The following CYP7B1 variants were observed in gnomAD, a reference collection of about 807,000 sequenced individuals.
CYP7B1 encodes cytochrome P450 7B1.
In CYP7B1, 29 loss-of-function variants were observed where a neutral mutation model predicts 42.7. The observed-to-expected ratio is 0.68, with a 90% CI of 0.51 to 0.93. CYP7B1 has a LOEUF of 0.93. Ranked by LOEUF, CYP7B1 falls within the 40% of genes least tolerant of loss-of-function variation. The pLI is 0.00. For synonymous variants in CYP7B1, 235 were observed against 218.2 expected (o/e 1.08, Z -0.68); for missense variants, 655 against 600.5 (o/e 1.09, Z -0.95).
At chr8:64,714,306 A>G (rs1807122800) in intron 1 of CYP7B1, among the ~76,000 whole-genome samples, 1 of 152,198 alleles carries the variant, frequency 6.6e-6, no homozygotes, top group African/African-American at 2.4e-5. Flanking sequence ...TTTATCTTCC[A>G]GGATCCAGAA....
chr8:64,731,692 C>T lies in CYP7B1; in HGVS notation c.122+66774G>A, dbSNP rs541934521. ...CAGGGCATGTCGGAGACCTTCACAGCAGCCCCTCTCATCATAGGCCCAGAG... is the reference window on the plus strand; with the variant it reads ...CAGGGCATGTCGGAGACCTTCACAGTAGCCCCTCTCATCATAGGCCCAGAG... On this transcript the variant is annotated intron_variant, in intron 1 of 5. Transcript: ENST00000310193. 7.2e-5 allele frequency among the ~76,000 whole-genome samples: 11 copies of T among 152,300 alleles called. No homozygotes were observed. The South Asian group carries it at 2.3e-3, about 32-fold the overall frequency.
chr8:64,632,380 A>C (rs1287401299), intron 1 of CYP7B1, among the ~76,000 whole-genome samples: 1 of 152,154 alleles, frequency 6.6e-6, no homozygotes, highest in African/African-American at 2.4e-5. Context: ...AATTTCATAA[A>C]ACAAAGAGTG....
downstream of CYP7B1, among the ~76,000 whole-genome samples, chr8:64,590,706 G>A (rs1198536871): frequency 1.3e-5 from 2 of 152,116 alleles, no homozygotes; most frequent in Non-Finnish European, 2.9e-5. Flanking sequence ...CAGATGATAA[G>A]AATATATGTG....
intron 4 of CYP7B1, among the ~76,000 whole-genome samples, chr8:64,606,392 A>G (rs964933773): frequency 1.3e-5 from 2 of 152,242 alleles, no homozygotes; most frequent in African/African-American, 4.8e-5. Context: ...CAACAATAGC[A>G]CAGCATCCTT....
intron 5 of CYP7B1, among the ~76,000 whole-genome samples, chr8:64,598,430 T>C (rs1223518744): frequency 6.6e-6 from 1 of 152,202 alleles, no homozygotes; most frequent in Non-Finnish European, 1.5e-5. Context: ...TCCTTCACGC[T>C]GACCAATCTG....
intron 1 of CYP7B1, among the ~76,000 whole-genome samples, chr8:64,628,010 T>C (rs572748159): frequency 1.3e-5 from 2 of 152,262 alleles, no homozygotes; most frequent in South Asian, 4.1e-4. Flanking sequence ...ACACTGCCCA[T>C]GGCTGAGTAG....
At chr8:64,751,446 CAT>C (rs1178256304) in intron 1 of CYP7B1, among the ~76,000 whole-genome samples, 1 of 152,070 alleles carries the variant, frequency 6.6e-6, no homozygotes, top group Non-Finnish European at 1.5e-5. Context: ...AGGGATATAA[CAT>C]AATCTATATT....
chr8:64,767,678 G>T (rs1478831283), intron 1 of CYP7B1, among the ~76,000 whole-genome samples: 2 of 152,220 alleles, frequency 1.3e-5, no homozygotes, highest in African/African-American at 4.8e-5. Context: ...CAAGCAGATA[G>T]TCAGGGCCTG....
At chr8:64,753,590 A>G in intron 1 of CYP7B1, among the ~76,000 whole-genome samples, 1 of 152,224 alleles carries the variant, frequency 6.6e-6, no homozygotes, top group Non-Finnish European at 1.5e-5. Context: ...CTCAGGGGCC[A>G]GGGCAGTGGT....
At chr8:64,767,542 A>G (rs1804118680) in intron 1 of CYP7B1, among the ~76,000 whole-genome samples, 1 of 152,192 alleles carries the variant, frequency 6.6e-6, no homozygotes, top group South Asian at 2.1e-4. Context: ...AGAAGGAAAA[A>G]TACTTTTGCC....
intron 5 of CYP7B1, among the ~76,000 whole-genome samples, chr8:64,602,789 ATC>A (rs1345391824): frequency 1.1e-4 from 17 of 152,312 alleles, no homozygotes; most frequent in African/African-American, 4.1e-4. Context: ...TTTTAAGAGC[ATC>A]TATAGCATCT....
intron 1 of CYP7B1, among the ~76,000 whole-genome samples, chr8:64,774,046 C>A (rs1165984351): frequency 6.6e-6 from 1 of 152,178 alleles, no homozygotes; most frequent in Non-Finnish European, 1.5e-5. Flanking sequence ...TCCTTCATAT[C>A]AGAAGCCTAG....
chr8:64,734,195 G>A (rs947777546), intron 1 of CYP7B1: 1 of 152,292 alleles, frequency 6.6e-6, no homozygotes, highest in Admixed American at 6.5e-5. Flanking sequence ...ATAAACTTAT[G>A]AGTATGATAA....
At chr8:64,792,529 T>C (rs1260394479) in intron 1 of CYP7B1, among the ~76,000 whole-genome samples, 1 of 152,156 alleles carries the variant, frequency 6.6e-6, no homozygotes, top group African/African-American at 2.4e-5. Context: ...GAGTATTTAA[T>C]CAATTGTTGA....
chr8:64,797,487 T>C (rs1804722000), intron 1 of CYP7B1, among the ~76,000 whole-genome samples: 1 of 152,098 alleles, frequency 6.6e-6, no homozygotes, highest in Non-Finnish European at 1.5e-5. Flanking sequence ...GAAGCGCACA[T>C]TCCAGGAACA....
Position 64,760,797 on chromosome 8 carries a change from C to T in CYP7B1, c.122+37669G>A, listed in dbSNP as rs552542157. On this transcript the variant is annotated intron_variant, in intron 1 of 5. Transcript: ENST00000310193. ...ATTACGTAAAACAGTATGGAGGTTC[C>T]TAAAAAAATTAAAAATAGAGCTACC... 9.5e-4 allele frequency among the ~76,000 whole-genome samples: 145 copies of T among 152,056 alleles called. 1 individual carries two copies. The highest frequency in any genetic ancestry group is 3.3e-3 in the African/African-American group (138 of 41,484).
chr8:64,615,613 C>A, intron 3 of CYP7B1, 78 bp downstream of exon 3: 1 of 1,406,152 alleles, frequency 7.1e-7, no homozygotes. Flanking sequence ...TTTTCAAGGT[C>A]GCCATTTTGT....
chr8:64,689,816 C>T (rs1420472094), intron 1 of CYP7B1, among the ~76,000 whole-genome samples: 1 of 152,182 alleles, frequency 6.6e-6, no homozygotes, highest in Non-Finnish European at 1.5e-5. Flanking sequence ...GATCCACCCG[C>T]CTCATCCTCC....
intron 2 of CYP7B1, among the ~76,000 whole-genome samples, chr8:64,620,323 A>C (rs552833386): frequency 6.6e-6 from 1 of 152,276 alleles, no homozygotes; most frequent in African/African-American, 2.4e-5. Flanking sequence ...AATATGAGTC[A>C]ACTTTGTACT....
Sources: allele counts gnomAD v4.1 joint callset (sites outside exome capture counted in the v4.1 genomes callset), GRCh38; gene constraint gnomAD v4.1.1; transcripts MANE v1.5; gene names NCBI Gene and HGNC (gene_info 2026-07-23, HGNC 2026-07-21).